Variants in PSD3 observed in about 807,000 individuals in gnomAD.
PSD3 encodes PH and SEC7 domain-containing protein 3.
PSD3 carries 49 observed loss-of-function variants against 105.5 expected under a neutral mutation model. That is an observed-to-expected ratio of 0.46 (90% CI 0.37 to 0.59). The LOEUF (loss-of-function observed/expected upper bound fraction) is 0.59. Ranked by LOEUF, PSD3 falls within the 20% of genes least tolerant of loss-of-function variation. The pLI, the probability that PSD3 is intolerant of heterozygous loss-of-function variation, is 0.00. For missense variants in PSD3, 1,561 were observed against 1,263.8 expected, an observed-to-expected ratio of 1.24 and a Z score of -3.57; for synonymous variants, 557 against 457.8, an observed-to-expected ratio of 1.22 and a Z score of -2.77.
At chr8:18,912,749 G>GCTCGGAC (rs1820314386) in intron 2 of PSD3, among the ~76,000 whole-genome samples, 1 of 152,196 alleles carries the variant, frequency 6.6e-6, no homozygotes, top group Admixed American at 6.5e-5. Flanking sequence ...GCAGTGAACA[G>GCTCGGAC]TGACAGGTGG....
intron 14 of PSD3, among the ~76,000 whole-genome samples, chr8:18,568,310 C>T (rs1269119542): frequency 7.7e-6 from 1 of 129,194 alleles, no homozygotes. Context: ...GCACAACATT[C>T]TCCCTGTTTG....
chr8:18,668,387 C>T (rs1799602423), intron 9 of PSD3, among the ~76,000 whole-genome samples: 1 of 152,246 alleles, frequency 6.6e-6, no homozygotes, highest in Non-Finnish European at 1.5e-5. Flanking sequence ...GATGTTCTAG[C>T]CATTTCAAAT....
At chr8:18,626,624 G>A (rs1348109193) in intron 11 of PSD3, among the ~76,000 whole-genome samples, 1 of 152,100 alleles carries the variant, frequency 6.6e-6, no homozygotes, top group African/African-American at 2.4e-5. Context: ...ATAGCAGGTT[G>A]TGTAAGTCCT....
intron 11 of PSD3, among the ~76,000 whole-genome samples, chr8:18,614,085 G>A (rs185918247): frequency 6.6e-5 from 10 of 152,230 alleles, no homozygotes; most frequent in South Asian, 2.1e-4. Context: ...ACTGCATTGC[G>A]GTCTGGTTTG....
intron 4 of PSD3, chr8:18,808,731 A>AATAT (rs1811418697): frequency 6.2e-7 from 1 of 1,613,854 alleles, no homozygotes; most frequent in Non-Finnish European, 8.5e-7. Context: ...AAAGCTTGAC[A>AATAT]ATATGATGGC....
intron 15 of PSD3, among the ~76,000 whole-genome samples, chr8:18,544,358 C>T (rs1296581079): frequency 6.6e-6 from 1 of 151,940 alleles, no homozygotes; most frequent in Non-Finnish European, 1.5e-5. Flanking sequence ...AAAGCATCTG[C>T]ATTCAAAACA....
intron 4 of PSD3, among the ~76,000 whole-genome samples, chr8:18,838,471 G>A (rs6586774): frequency 0.68 from 103,138 of 151,968 alleles, 35,363 homozygotes; most frequent in African/African-American, 0.76. Context: ...TGAAGTTGGG[G>A]CAACTGAGTA....
intron 2 of PSD3, among the ~76,000 whole-genome samples, chr8:18,925,324 G>A (rs908053168): frequency 3.9e-5 from 6 of 152,050 alleles, no homozygotes; most frequent in Non-Finnish European, 7.4e-5. Flanking sequence ...GAGCCCAGGA[G>A]TTCAAGGCTG....
intron 9 of PSD3, among the ~76,000 whole-genome samples, chr8:18,730,768 T>A (rs181490929): frequency 3.9e-5 from 6 of 152,130 alleles, no homozygotes; most frequent in Admixed American, 3.3e-4. Flanking sequence ...TGTCTTAGAG[T>A]TTAAGATTCT....
At chr8:18,795,757 G>C (rs373969133) in intron 8 of PSD3, among the ~76,000 whole-genome samples, 1 of 152,142 alleles carries the variant, frequency 6.6e-6, no homozygotes, top group Non-Finnish European at 1.5e-5. Context: ...GAAACAGAAC[G>C]CATTTGAAGA....
At chr8:18,732,135 G>C (rs1421099461) in intron 9 of PSD3, among the ~76,000 whole-genome samples, 1 of 151,800 alleles carries the variant, frequency 6.6e-6, no homozygotes, top group Admixed American at 6.6e-5. Flanking sequence ...CTTCAAGTGA[G>C]GACAAATATA....
rs199574553 is a variant in PSD3, at chr8:18,839,739, TCTC to T, written c.1634+27932_1634+27934del. ...CGTGGAACTCAAGTAAGATCAGAGT[TCTC>T]CTCCAAGTATCTTACTCATCACGCA... is the stretch of plus-strand genomic sequence containing the variant. On this transcript the variant is annotated intron_variant, in intron 4 of 15. Coordinates refer to ENST00000327040, the MANE Select transcript of PSD3 (RefSeq NM_015310.4). 1.0e-2 allele frequency among the ~76,000 whole-genome samples: 1,516 copies of T among 152,188 alleles called. 11 individuals are homozygous for T. The highest frequency in any genetic ancestry group is 0.014 in the Middle Eastern group (4 of 292).
intron 9 of PSD3, among the ~76,000 whole-genome samples, chr8:18,764,789 C>T (rs1356398069): frequency 1.3e-5 from 2 of 152,130 alleles, no homozygotes; most frequent in Non-Finnish European, 2.9e-5. Flanking sequence ...ACCACATTCT[C>T]AATGTATACA....
intron 2 of PSD3, among the ~76,000 whole-genome samples, chr8:18,900,643 CTTTTTTTTTT>C (rs34004085): frequency 3.6e-5 from 3 of 83,968 alleles, no homozygotes; most frequent in Admixed American, 3.1e-4. Flanking sequence ...AGAGACAACT[CTTTTTTTTTT>C]TTTTTTTTTT....
chr8:19,058,723 T>C (rs992033099), intron 1 of PSD3, among the ~76,000 whole-genome samples: 5 of 152,202 alleles, frequency 3.3e-5, no homozygotes, highest in Non-Finnish European at 5.9e-5. Flanking sequence ...TTCTGGAAAT[T>C]AGAGAACAGT....
intron 1 of PSD3, among the ~76,000 whole-genome samples, chr8:18,976,913 T>C (rs10435705): frequency 0.35 from 52,814 of 152,080 alleles, 9,381 homozygotes; most frequent in Middle Eastern, 0.55. Flanking sequence ...GTGGCTGTTA[T>C]AGAGAATGAG....
intron 14 of PSD3, among the ~76,000 whole-genome samples, chr8:18,560,192 A>G (rs1801311401): frequency 6.6e-6 from 1 of 151,480 alleles, no homozygotes; most frequent in African/African-American, 2.4e-5. Flanking sequence ...ACACACACAC[A>G]CACACACACA....
At chr8:18,550,895 G>T (rs1340712772) in intron 15 of PSD3, among the ~76,000 whole-genome samples, 2 of 152,170 alleles carry the variant, frequency 1.3e-5, no homozygotes, top group Non-Finnish European at 2.9e-5. Context: ...TTCTGTAAAG[G>T]AGATAGCATT....
intron 1 of PSD3, 88 bp downstream of exon 1, chr8:19,013,475 C>G: frequency 6.4e-7 from 1 of 1,557,166 alleles, no homozygotes; most frequent in African/African-American, 1.4e-5. Context: ...TCCTGGGGGA[C>G]AGAGCGGCGA....
Sources: allele counts gnomAD v4.1 joint callset (sites outside exome capture counted in the v4.1 genomes callset), GRCh38; gene constraint gnomAD v4.1.1; transcripts MANE v1.5; gene names NCBI Gene and HGNC (gene_info 2026-07-23, HGNC 2026-07-21).